Variants in PEAR1 observed in about 807,000 individuals in gnomAD.
PEAR1 encodes the protein platelet endothelial aggregation receptor 1, also known as multiple EGF-like domains protein 12.
PEAR1 carries 113 observed loss-of-function variants against 131.2 expected under a neutral mutation model. The ratio of observed to expected loss-of-function variants is 0.86; its 90% confidence interval spans 0.74 to 1.01. PEAR1 has a LOEUF of 1.01. PEAR1 is among the 50% of genes least tolerant of loss of function. The pLI is 0.00. For synonymous variants in PEAR1, 565 were observed against 523.3 expected, an observed-to-expected ratio of 1.08 and a Z score of -1.09; for missense variants, 1,408 against 1,391.1, an observed-to-expected ratio of 1.01 and a Z score of -0.19.
chr1:156,908,479 G>T lies in PEAR1; in HGVS notation c.1115+139G>T. 1 of 1,242,448 alleles carries T rather than the reference G, an allele frequency of 8.0e-7. No individual in the cohort carries two copies. Among genetic ancestry groups the T allele is most frequent in the East Asian group, 2.6e-5 (1 of 38,952 alleles). The allele number at this position is 1,242,448 out of a possible 1,614,324, so 77.0% of individuals were successfully genotyped here. ...GAAAGGGAGGGACCTCAGGGGCCGG[G>T]AGGGGCCTGGGGTACCGCTACTTGC... On this transcript the variant is annotated intron_variant, in intron 9 of 22. Transcript: ENST00000292357. The surrounding 1 kb of genome is among the most constrained non-coding windows in gnomAD (Gnocchi z 4.2).
Position 156,912,368 on chromosome 1 carries a change from C to T in PEAR1, c.2073C>T (p.Cys691=), listed in dbSNP as rs372660933. Residue 691 remains cysteine, a synonymous_variant, in exon 16 of 23, where the codon TGC becomes TGT. Coordinates refer to ENST00000292357, the MANE Select transcript of PEAR1 (RefSeq NM_001080471.3). Reference sequence around the variant, plus strand: ...CCCTAGGCTGGACTGGACACCACTGCTTAGAAGGTACCAACAGAAGGGGAA... The same window carrying T: ...CCCTAGGCTGGACTGGACACCACTGTTTAGAAGGTACCAACAGAAGGGGAA... ...ICPLGWTGHH[C]LEGCPLGTFG... 86 of 1,612,768 alleles carry T rather than the reference C, an allele frequency of 5.3e-5. 1 individual carries two copies. The South Asian group carries it at 8.8e-4, about 17-fold the overall frequency.
chr1:156,895,863 T>C (rs527579841), intron 1 of PEAR1, among the ~76,000 whole-genome samples: 4 of 152,276 alleles, frequency 2.6e-5, no homozygotes, highest in African/African-American at 9.6e-5. Context: ...TGAGGATCTC[T>C]GGAGGCCAGG....
In PEAR1 at chr1:156,909,024, G is replaced by C; in HGVS notation, c.1399G>C (p.Val467Leu). The C allele has an allele frequency of 6.2e-7, 1 of 1,614,070 alleles. No homozygotes were observed. Among genetic ancestry groups the C allele is most frequent in the South Asian group, 1.1e-5 (1 of 91,082 alleles). Reference sequence around the variant, plus strand: ...CTGCTCACCCATCGACGGCGAGTGCGTCTGCAAGGAAGGTAATAGGGTGGA... The same window carrying C: ...CTGCTCACCCATCGACGGCGAGTGCCTCTGCAAGGAAGGTAATAGGGTGGA... ...IACSPIDGEC[V>L]CKEGWQRGNC... The change falls in exon 11 of 23, where the codon GTC becomes CTC. Residue 467 changes from valine to leucine, a missense_variant. Coordinates refer to ENST00000292357, the MANE Select transcript of PEAR1 (RefSeq NM_001080471.3).
chr1:156,898,724 G>A (rs1649400113), intron 1 of PEAR1, among the ~76,000 whole-genome samples: 1 of 152,220 alleles, frequency 6.6e-6, no homozygotes, highest in South Asian at 2.1e-4. Context: ...TACAGGGCAA[G>A]ACAACCTTAG....
chr1:156,904,606 G>T, intron 2 of PEAR1, 142 bp from the exon 3 acceptor site: 1 of 803,198 alleles, frequency 1.2e-6, no homozygotes. Flanking sequence ...ACAGGATGGG[G>T]GTCCCATCCT....
At position 156,900,213 on chromosome 1, in the gene PEAR1, C is replaced by T. The variant is rs573147957; in HGVS notation, c.-9-3705C>T. 3.3e-5 allele frequency among the ~76,000 whole-genome samples: 5 copies of T among 152,162 alleles called. No individual in the cohort carries two copies. The South Asian group carries it at 6.2e-4, about 19-fold the overall frequency. ...CTCAGGGCCTGGCCAGGAGCCCAGC[C>T]GATTTGCATCTCGAGGTGGAGGAGA... On this transcript the variant is annotated intron_variant, in intron 1 of 22. Coordinates refer to ENST00000292357, the MANE Select transcript of PEAR1 (RefSeq NM_001080471.3).
At chr1:156,899,386 C>T (rs1195259886) in intron 1 of PEAR1, among the ~76,000 whole-genome samples, 2 of 151,836 alleles carry the variant, frequency 1.3e-5, no homozygotes, top group African/African-American at 2.4e-5. Flanking sequence ...CCTTGTCAAC[C>T]GCATCTGGCT....
intron 1 of PEAR1, among the ~76,000 whole-genome samples, chr1:156,900,496 C>T (rs1273555821): frequency 6.6e-6 from 1 of 152,170 alleles, no homozygotes; most frequent in Non-Finnish European, 1.5e-5. Flanking sequence ...CCTGGCTGTG[C>T]GGTCCTGGTC....
At chr1:156,905,586 G>T (rs1005193095) in intron 4 of PEAR1, among the ~76,000 whole-genome samples, 162 bp downstream of exon 4, 1 of 151,886 alleles carries the variant, frequency 6.6e-6, no homozygotes, top group Non-Finnish European at 1.5e-5. Flanking sequence ...CCCAGGATGG[G>T]GATCAGCACT....
chr1:156,903,701 G>T (rs1649915853), intron 1 of PEAR1, among the ~76,000 whole-genome samples: 2 of 152,210 alleles, frequency 1.3e-5, no homozygotes, highest in African/African-American at 4.8e-5. Flanking sequence ...TGAGACGTGA[G>T]GGTGTCTAAG....
chr1:156,914,886 C>A lies in PEAR1; in HGVS notation c.*88C>A. 1 of 1,455,528 alleles carries A rather than the reference C, an allele frequency of 6.9e-7. No homozygotes were observed. Among genetic ancestry groups the A allele is most frequent in the Non-Finnish European group, 9.4e-7 (1 of 1,068,534 alleles). The allele number at this position is 1,455,528 out of a possible 1,614,324, so 90.2% of individuals were successfully genotyped here. ...GAGCCTAGTGTACCCCTGCCAGGAGCAGGGAGTGGACCGGCAGGCTGTGAA... is the reference window on the plus strand; with the variant it reads ...GAGCCTAGTGTACCCCTGCCAGGAGAAGGGAGTGGACCGGCAGGCTGTGAA... On this transcript the variant is annotated 3_prime_UTR_variant, in exon 23 of 23. Coordinates refer to ENST00000292357, the MANE Select transcript of PEAR1 (RefSeq NM_001080471.3).
In PEAR1 at chr1:156,914,792, C is replaced by CCGTTGAGGAGCCAGGAT. The variant is rs1651712972; in HGVS notation, c.3109_*11dup. ...CATCACCTCCACTTCGACGCCAGGA[C>CCGTTGAGGAGCCAGGAT]CGTTGAGGAGCCAGGATGGTATGGC... On this transcript the variant is annotated stop_gained and frameshift_variant, in exon 23 of 23. Coordinates refer to ENST00000292357, the MANE Select transcript of PEAR1 (RefSeq NM_001080471.3). LOFTEE classifies it high-confidence loss of function. 6.2e-7 allele frequency: 1 copy of CCGTTGAGGAGCCAGGAT among 1,613,292 alleles called. No homozygotes were observed. The highest frequency in any genetic ancestry group is 1.3e-5 in the African/African-American group (1 of 74,908).
In PEAR1 at chr1:156,910,714, C is replaced by A. The variant is rs980783829; in HGVS notation, c.1922C>A (p.Ala641Asp). The A allele has an allele frequency of 1.4e-5, 22 of 1,614,140 alleles. No individual in the cohort carries two copies. Among genetic ancestry groups the A allele is most frequent in the Non-Finnish European group, 1.9e-5 (22 of 1,180,030 alleles). ...TCGAACGGGACCTGCTACTGCCTGG[C>A]TGGCTGGACAGGCCCCGACTGCTCC... ...HPSNGTCYCL[A>D]GWTGPDCSQP... The change falls in exon 15 of 23, where the codon GCT becomes GAT. Residue 641 changes from alanine to aspartate, a missense_variant. Physicochemically the swap from Ala to Asp is moderately radical, Grantham distance 126. Transcript: ENST00000292357.
chr1:156,905,550 C>CCTCCT (rs1476130126), intron 4 of PEAR1, 126 bp downstream of exon 4: 3 of 760,764 alleles, frequency 3.9e-6, no homozygotes, highest in Non-Finnish European at 6.1e-6. Flanking sequence ...TGGGTTCCCC[C>CCTCCT]CTCCTCTCCT....
chr1:156,906,800 G>A lies in PEAR1; in HGVS notation c.564G>A (p.Gln188=), dbSNP rs774430824. ...CTPGYYGPAC[Q]FRCQCHGAPC... ...CTGGCTACTATGGCCCTGCCTGCCA[G>A]TTCCGCTGCCAGTGCCATGGGGCAC... The change falls in exon 6 of 23, where the codon CAG becomes CAA. Residue 188 remains glutamine, a synonymous_variant. Transcript: ENST00000292357. 1.2e-6 allele frequency: 2 copies of A among 1,614,224 alleles called. No individual in the cohort carries two copies. Among genetic ancestry groups the A allele is most frequent in the South Asian group, 2.2e-5 (2 of 91,090 alleles).
intron 1 of PEAR1, among the ~76,000 whole-genome samples, chr1:156,894,354 G>C (rs1010936025): frequency 6.6e-6 from 1 of 152,204 alleles, no homozygotes; most frequent in African/African-American, 2.4e-5. Flanking sequence ...GAATAATATA[G>C]GGCCTACCTC....
At position 156,907,929 on chromosome 1, in the gene PEAR1, C is replaced by T. The variant is rs1299511086; in HGVS notation, c.780C>T (p.Ser260=). The T allele has an allele frequency of 6.3e-7, 1 of 1,592,246 alleles. No homozygotes were observed. The highest frequency in any genetic ancestry group is 1.8e-5 in the Admixed American group (1 of 56,910). The change falls in exon 8 of 23, where the codon TCC becomes TCT. Residue 260 remains serine (S), a synonymous_variant. Coordinates refer to ENST00000292357, the MANE Select transcript of PEAR1 (RefSeq NM_001080471.3). ...TATCCCCACAGGGCACCATCTGCTC[C>T]CTGCCCTGCCCAGAGGGCTTTCACG... ...CPPGWMGTIC[S]LPCPEGFHGP... is the part of the protein sequence containing the mutation.
At chr1:156,909,650 C>T in intron 11 of PEAR1, 101 bp from the exon 12 acceptor site, 1 of 1,372,632 alleles carries the variant, frequency 7.3e-7, no homozygotes, top group Non-Finnish European at 9.9e-7. Context: ...CCCCACCCAC[C>T]CCAGCTCATA....
In PEAR1 at chr1:156,906,262, C is replaced by T. The variant is rs1650285456; in HGVS notation, c.308-14C>T. The T allele has an allele frequency of 6.2e-7, 1 of 1,612,838 alleles. No homozygotes were observed. Among genetic ancestry groups the T allele is most frequent in the Admixed American group, 1.7e-5 (1 of 59,998 alleles). On this transcript the variant is annotated splice_polypyrimidine_tract_variant and intron_variant, in intron 4 of 22. Coordinates refer to ENST00000292357, the MANE Select transcript of PEAR1 (RefSeq NM_001080471.3). Reference sequence around the variant, plus strand: ...AGGGGTGGACACATCTCACCACACCCATCTCTGTCCCAGCGCTCTGTGCCC... The same window carrying T: ...AGGGGTGGACACATCTCACCACACCTATCTCTGTCCCAGCGCTCTGTGCCC...
Sources: allele counts gnomAD v4.1 joint callset (sites outside exome capture counted in the v4.1 genomes callset), GRCh38; gene constraint gnomAD v4.1.1; non-coding constraint Gnocchi (gnomAD v3.1); transcripts MANE v1.5; gene names NCBI Gene and HGNC (gene_info 2026-07-23, HGNC 2026-07-21).